TMEM60: variants seen among roughly 807,000 people sequenced by gnomAD.
TMEM60 encodes the protein transmembrane protein 60, also known as chromosome 7 open reading frame 35.
TMEM60 carries 4 observed loss-of-function variants against 10.7 expected under a neutral mutation model. The observed-to-expected ratio is 0.37, with a 90% CI of 0.18 to 0.86. The LOEUF (loss-of-function observed/expected upper bound fraction) is 0.86. TMEM60 is among the 40% of genes least tolerant of loss of function. TMEM60 has a pLI of 0.43. For missense variants in TMEM60, 128 were observed against 153.4 expected, an observed-to-expected ratio of 0.83 and a Z score of 0.88; for synonymous variants, 56 against 58.1, an observed-to-expected ratio of 0.96 and a Z score of 0.17.
At position 77,794,273 on chromosome 7, in the gene TMEM60, T is replaced by G. The variant is rs764149418; in HGVS notation, c.101A>C (p.Asn34Thr). ...VLKLDEKAPW[N>T]WFLIFIPVWI... Reference sequence around the variant, plus strand: ...GACTGGAATGAATATGAGGAACCAGTTCCAAGGTGCTTTCTCATCCAGTTT... The same window carrying G: ...GACTGGAATGAATATGAGGAACCAGGTCCAAGGTGCTTTCTCATCCAGTTT... Residue 34 changes from asparagine to threonine, a missense_variant, in exon 2 of 2, where the codon AAC (asparagine) becomes ACC (threonine). Transcript: ENST00000257663. The G allele has an allele frequency of 6.2e-7, 1 of 1,613,674 alleles. No individual in the cohort carries two copies. Among genetic ancestry groups the G allele is most frequent in the Non-Finnish European group, 8.5e-7 (1 of 1,179,926 alleles).
rs765809863 is a variant in TMEM60 at position 77,793,998 on chromosome 7, A to G, written c.376T>C (p.Tyr126His). ...CAGTCTCTCACAAAAAAGACATTAT[A>G]TCCGAGTTCTGTTAAAGCCCCAGCC... ...LLAGALTELG[Y>H]NVFFVRD Residue 126 changes from tyrosine to histidine, a missense_variant, in exon 2 of 2, where the codon TAT becomes CAT. By Grantham distance (83) the Tyr-to-His change is moderately conservative. Coordinates refer to ENST00000257663, the MANE Select transcript of TMEM60 (RefSeq NM_032936.4). 1 of 1,582,498 alleles carries G rather than the reference A, an allele frequency of 6.3e-7. No individual in the cohort carries two copies. Among genetic ancestry groups the G allele is most frequent in the Non-Finnish European group, 8.6e-7 (1 of 1,168,680 alleles).
intron 1 of TMEM60, among the ~76,000 whole-genome samples, chr7:77,794,802 GCATT>G (rs1464257274): frequency 6.6e-6 from 1 of 152,074 alleles, no homozygotes; most frequent in African/African-American, 2.4e-5. Flanking sequence ...AAAGAAAAAA[GCATT>G]CAAAGTAGTG....
At chr7:77,794,701 G>A (rs866606437) in intron 1 of TMEM60, among the ~76,000 whole-genome samples, 65 of 152,244 alleles carry the variant, frequency 4.3e-4, no homozygotes, top group South Asian at 2.1e-4. Flanking sequence ...TCGAGTCCAG[G>A]CACTTACAAC....
intron 1 of TMEM60, among the ~76,000 whole-genome samples, chr7:77,798,039 C>A (rs1474477134): frequency 2.0e-5 from 3 of 152,236 alleles, no homozygotes; most frequent in Non-Finnish European, 4.4e-5. Flanking sequence ...CGGCGCCCCA[C>A]CGGGACGCTC....
At position 77,793,908 on chromosome 7, in the gene TMEM60, G is replaced by T. The variant is rs907075099; in HGVS notation, c.*64C>A. Reference sequence around the variant, plus strand: ...TCTCTGGTATTCTTGAAGCTTGACAGATTCAGAACACTTTAATGGTAACTT... The same window carrying T: ...TCTCTGGTATTCTTGAAGCTTGACATATTCAGAACACTTTAATGGTAACTT... On this transcript the variant is annotated 3_prime_UTR_variant, in exon 2 of 2. Coordinates refer to ENST00000257663, the MANE Select transcript of TMEM60 (RefSeq NM_032936.4). The T allele has an allele frequency of 1.5e-5, 22 of 1,459,244 alleles. No individual in the cohort carries two copies. The highest frequency in any genetic ancestry group is 2.6e-5 in the Admixed American group (1 of 39,060). 90.4% of individuals were successfully genotyped at this position (1,459,244 alleles called of 1,614,324 possible). A position where few individuals can be genotyped will look rare whatever the true frequency, so the allele number is the denominator to read the frequency against.
At chr7:77,797,400 T>A (rs955285968) in intron 1 of TMEM60, among the ~76,000 whole-genome samples, 2 of 152,196 alleles carry the variant, frequency 1.3e-5, no homozygotes, top group African/African-American at 2.4e-5. Context: ...GCAACAAAAT[T>A]CTGTTATGTT....
chr7:77,797,503 C>T (rs1792203731), intron 1 of TMEM60, among the ~76,000 whole-genome samples: 1 of 152,198 alleles, frequency 6.6e-6, no homozygotes, highest in Non-Finnish European at 1.5e-5. Flanking sequence ...ACAACGATGA[C>T]ATACGATCCC....
At chr7:77,795,392 C>T (rs1792157188) in intron 1 of TMEM60, among the ~76,000 whole-genome samples, 1 of 151,994 alleles carries the variant, frequency 6.6e-6, no homozygotes, top group African/African-American at 2.4e-5. Flanking sequence ...GTAGCACGTG[C>T]CTGTATTCCC....
chr7:77,793,907 A>G lies in TMEM60; in HGVS notation c.*65T>C, dbSNP rs1792139455. ...TTCTCTGGTATTCTTGAAGCTTGAC[A>G]GATTCAGAACACTTTAATGGTAACT... On this transcript the variant is annotated 3_prime_UTR_variant, in exon 2 of 2. Coordinates refer to ENST00000257663, the MANE Select transcript of TMEM60 (RefSeq NM_032936.4). 6.9e-7 allele frequency: 1 copy of G among 1,457,856 alleles called. No homozygotes were observed. Among genetic ancestry groups the G allele is most frequent in the Non-Finnish European group, 9.1e-7 (1 of 1,101,512 alleles). 90.3% of individuals were successfully genotyped at this position (1,457,856 alleles called of 1,614,324 possible). A position where few individuals can be genotyped will look rare whatever the true frequency, so the allele number is the denominator to read the frequency against.
chr7:77,793,952 G>C lies in TMEM60; in HGVS notation c.*20C>G, dbSNP rs563996775. 89 of 1,526,026 alleles carry C rather than the reference G, an allele frequency of 5.8e-5. No homozygotes were observed. In the East Asian group the frequency reaches 1.6e-3, roughly 27 times the overall value. 94.5% of individuals were successfully genotyped at this position (1,526,026 alleles called of 1,614,324 possible). Reference sequence around the variant, plus strand: ...GTAACTTGTTGAACAGCAATAGAAAGGAGATGATGTACTTAGAAGTCAGTC... The same window carrying C: ...GTAACTTGTTGAACAGCAATAGAAACGAGATGATGTACTTAGAAGTCAGTC... On this transcript the variant is annotated 3_prime_UTR_variant, in exon 2 of 2. Transcript: ENST00000257663.
chr7:77,796,209 A>T (rs1792165518), intron 1 of TMEM60, among the ~76,000 whole-genome samples: 1 of 152,132 alleles, frequency 6.6e-6, no homozygotes, highest in Non-Finnish European at 1.5e-5. Flanking sequence ...AAGTGTTGGG[A>T]TTACAGGTTT....
chr7:77,797,256 C>T (rs1381859828), intron 1 of TMEM60, among the ~76,000 whole-genome samples: 1 of 152,178 alleles, frequency 6.6e-6, no homozygotes, highest in African/African-American at 2.4e-5. Context: ...CCTAACTGTT[C>T]CATCTGCTAT....
chr7:77,796,573 G>A (rs780975887), intron 1 of TMEM60, among the ~76,000 whole-genome samples: 1 of 152,096 alleles, frequency 6.6e-6, no homozygotes, highest in Non-Finnish European at 1.5e-5. Context: ...ATGAAAGATA[G>A]GGTATATGAA....
At chr7:77,796,028 C>T (rs114716826) in intron 1 of TMEM60, among the ~76,000 whole-genome samples, 8,150 of 152,026 alleles carry the variant, frequency 0.054, 289 homozygotes, top group South Asian at 0.15. Flanking sequence ...GCCTCTGCCT[C>T]TCGGGTTCAA....
At chr7:77,794,884 C>T (rs936448686) in intron 1 of TMEM60, among the ~76,000 whole-genome samples, 7 of 151,956 alleles carry the variant, frequency 4.6e-5, no homozygotes, top group East Asian at 1.9e-4. Context: ...GGGAAGGGTG[C>T]GTGGCTCATG....
chr7:77,797,752 C>T (rs1792215093), intron 1 of TMEM60, among the ~76,000 whole-genome samples: 1 of 152,212 alleles, frequency 6.6e-6, no homozygotes, highest in African/African-American at 2.4e-5. Flanking sequence ...CCACATAGCC[C>T]ACGGCTGGGT....
At position 77,794,078 on chromosome 7, in the gene TMEM60, T is replaced by C; in HGVS notation, c.296A>G (p.Glu99Gly). Residue 99 changes from glutamate (E) to glycine (G), a missense_variant, in exon 2 of 2, where the codon GAA becomes GGA. Glu to Gly is a moderately conservative substitution (Grantham distance 98, BLOSUM62 -2). Transcript: ENST00000257663. Reference protein sequence around the residue: ...AFCLALCAKLEQFTTMNLSYV... With the variant: ...AFCLALCAKLGQFTTMNLSYV... ...GGATAGATTCATGGTAGTAAACTGT[T>C]CCAGTTTAGCACAGAGTGCGAGGCA... The C allele has an allele frequency of 6.2e-7, 1 of 1,614,012 alleles. No individual in the cohort carries two copies.
At chr7:77,797,732 A>G (rs1425747192) in intron 1 of TMEM60, among the ~76,000 whole-genome samples, 2 of 152,234 alleles carry the variant, frequency 1.3e-5, no homozygotes, top group East Asian at 3.8e-4. Context: ...GGACATATAT[A>G]GAGCCCCACC....
chr7:77,796,233 G>A (rs142760392), intron 1 of TMEM60, among the ~76,000 whole-genome samples: 163 of 152,044 alleles, frequency 1.1e-3, no homozygotes, highest in Non-Finnish European at 2.0e-3. Context: ...CCACCACGCC[G>A]GCCTCTTTTC....
Sources: gnomAD v4.1 joint callset for allele counts (sites outside exome capture counted in the v4.1 genomes callset) on GRCh38, gnomAD v4.1.1 for gene constraint, MANE v1.5 for transcripts, NCBI Gene and HGNC (gene_info 2026-07-23, HGNC 2026-07-21) for gene names.